The following NEDD4L variants were observed in gnomAD, a reference collection of about 807,000 sequenced individuals.
NEDD4L encodes the protein E3 ubiquitin-protein ligase NEDD4-like.
Under a neutral mutation model 148.9 loss-of-function variants are expected in NEDD4L, and 54 were observed. The observed-to-expected ratio is 0.36, with a 90% CI of 0.29 to 0.45. The LOEUF is 0.45. NEDD4L is among the 20% of genes least tolerant of loss of function. The pLI is 1.00. For synonymous variants in NEDD4L, 433 were observed against 440.7 expected, an observed-to-expected ratio of 0.98 and a Z score of 0.22; for missense variants, 856 against 1,233.8, an observed-to-expected ratio of 0.69 and a Z score of 4.59.
chr18:58,077,724 C>G (rs1180927518), intron 1 of NEDD4L, among the ~76,000 whole-genome samples: 1 of 152,210 alleles, frequency 6.6e-6, no homozygotes, highest in African/African-American at 2.4e-5. Context: ...TACTTCATAG[C>G]TAATCCTCAC....
At chr18:58,386,817 T>C (rs2146842434) in intron 26 of NEDD4L, among the ~76,000 whole-genome samples, 1 of 152,266 alleles carries the variant, frequency 6.6e-6, no homozygotes, top group East Asian at 1.9e-4. Context: ...CCTTAGGGAC[T>C]TAAAATGGGA....
At chr18:58,126,404 G>T (rs1598959369) in intron 1 of NEDD4L, among the ~76,000 whole-genome samples, 1 of 152,142 alleles carries the variant, frequency 6.6e-6, no homozygotes, top group Non-Finnish European at 1.5e-5. Flanking sequence ...CTTTTGCTTG[G>T]GACCCCTTTC....
At chr18:58,075,508 G>A (rs897815985) in intron 1 of NEDD4L, among the ~76,000 whole-genome samples, 1 of 152,130 alleles carries the variant, frequency 6.6e-6, no homozygotes, top group African/African-American at 2.4e-5. Context: ...GGAGTGCAGT[G>A]GTGTGATCAT....
At position 58,343,358 on chromosome 18, in the gene NEDD4L, ACCG is replaced by A. The variant is rs1316323636; in HGVS notation, c.1575+256_1575+258del. ...TGGGAAGCTCTAGTTTAGACAGTTC[ACCG>A]TGCTGGATGGAAAGGTATTGCTCTG... On this transcript the variant is annotated intron_variant, in intron 16 of 30. Transcript: ENST00000400345. 5.3e-5 allele frequency among the ~76,000 whole-genome samples: 8 copies of A among 152,272 alleles called. No individual in the cohort carries two copies. The East Asian group carries it at 1.5e-3, about 29-fold the overall frequency.
intron 12 of NEDD4L, 114 bp from the exon 13 acceptor site, chr18:58,335,364 G>T (rs2041596822): frequency 4.9e-6 from 4 of 814,884 alleles, no homozygotes; most frequent in Admixed American, 2.0e-5. Context: ...GGGTTTCAGG[G>T]ATTCTGATCT....
At chr18:58,275,362 T>C (rs1193818552) in intron 5 of NEDD4L, among the ~76,000 whole-genome samples, 5 of 152,164 alleles carry the variant, frequency 3.3e-5, no homozygotes, top group Non-Finnish European at 7.4e-5. Context: ...AAAATCCTTG[T>C]ATAATAAGTG....
At chr18:58,236,644 C>T (rs745316999) in intron 2 of NEDD4L, among the ~76,000 whole-genome samples, 6 of 152,254 alleles carry the variant, frequency 3.9e-5, no homozygotes, top group Admixed American at 6.5e-5. Flanking sequence ...GCACCAGGCA[C>T]GGTGCTGGCA....
chr18:58,044,892 G>A (rs2081503684), intron 1 of NEDD4L, among the ~76,000 whole-genome samples, 184 bp downstream of exon 1: 1 of 152,202 alleles, frequency 6.6e-6, no homozygotes, highest in African/African-American at 2.4e-5. Context: ...CCCACCCTCC[G>A]CAAGCCGAGC....
At chr18:58,143,741 C>A (rs1329917467) in intron 1 of NEDD4L, among the ~76,000 whole-genome samples, 6 of 152,170 alleles carry the variant, frequency 3.9e-5, no homozygotes, top group Admixed American at 3.3e-4. Flanking sequence ...CGGGTGGTCC[C>A]TGTGAAGAAG....
chr18:58,059,064 A>G (rs1213537046), intron 1 of NEDD4L, among the ~76,000 whole-genome samples: 1 of 152,236 alleles, frequency 6.6e-6, no homozygotes, highest in Admixed American at 6.5e-5. Context: ...TTGTTTATGC[A>G]ATATAGATTA....
chr18:58,184,548 C>T (rs1187726489), intron 2 of NEDD4L, among the ~76,000 whole-genome samples: 1 of 152,020 alleles, frequency 6.6e-6, no homozygotes, highest in African/African-American at 2.4e-5. Flanking sequence ...CCAGAGAAAC[C>T]GATCAGTTCA....
At chr18:58,197,355 C>G (rs141334934) in intron 2 of NEDD4L, among the ~76,000 whole-genome samples, 181 of 152,232 alleles carry the variant, frequency 1.2e-3, no homozygotes, top group Admixed American at 4.6e-3. Context: ...AGCACATAAA[C>G]CTGACTGAAT....
At chr18:58,344,240 A>T (rs528349991) in intron 16 of NEDD4L, among the ~76,000 whole-genome samples, 4 of 152,298 alleles carry the variant, frequency 2.6e-5, no homozygotes, top group African/African-American at 9.6e-5. Flanking sequence ...CTGTCATTTT[A>T]TGCCTTGCCC....
chr18:58,074,406 G>A (rs145929551), intron 1 of NEDD4L, among the ~76,000 whole-genome samples: 2,619 of 147,926 alleles, frequency 0.018, 30 homozygotes, highest in Non-Finnish European at 0.028. Context: ...TTACAGTTGC[G>A]TGCCACCATG....
intron 5 of NEDD4L, among the ~76,000 whole-genome samples, chr18:58,309,514 A>T (rs77768124): frequency 0.085 from 12,921 of 152,028 alleles, 605 homozygotes; most frequent in Middle Eastern, 0.11. Flanking sequence ...AGTCCAGGTG[A>T]GGATGTGCGG....
At chr18:58,283,755 C>T (rs907457987) in intron 5 of NEDD4L, among the ~76,000 whole-genome samples, 3 of 152,052 alleles carry the variant, frequency 2.0e-5, no homozygotes, top group Admixed American at 2.0e-4. Context: ...GAATTGTGTC[C>T]CCCCAAAAAG....
At chr18:58,176,441 T>A (rs1018602549) in intron 2 of NEDD4L, among the ~76,000 whole-genome samples, 2 of 152,166 alleles carry the variant, frequency 1.3e-5, no homozygotes. Flanking sequence ...GCTCAAGCAG[T>A]CCTCCTGCCT....
At chr18:58,251,372 C>A (rs909325071) in intron 4 of NEDD4L, among the ~76,000 whole-genome samples, 6 of 151,946 alleles carry the variant, frequency 3.9e-5, no homozygotes, top group Non-Finnish European at 7.4e-5. Flanking sequence ...CAAAAAAATA[C>A]AAAAATTAGC....
At chr18:58,071,370 A>AT (rs1281345521) in intron 1 of NEDD4L, among the ~76,000 whole-genome samples, 1 of 152,204 alleles carries the variant, frequency 6.6e-6, no homozygotes. Context: ...AGTAGAGATT[A>AT]TAAAAAAAAG....
Sources: gnomAD v4.1 joint callset for allele counts (sites outside exome capture counted in the v4.1 genomes callset) on GRCh38, gnomAD v4.1.1 for gene constraint, MANE v1.5 for transcripts, NCBI Gene and HGNC (gene_info 2026-07-23, HGNC 2026-07-21) for gene names.